The following CNOT10 variants were observed in gnomAD, a reference collection of about 807,000 sequenced individuals.
The protein encoded by CNOT10 is CCR4-NOT transcription complex subunit 10.
A neutral mutation model predicts 94.6 loss-of-function variants in CNOT10; 30 were observed. The ratio of observed to expected loss-of-function variants is 0.32; its 90% CI spans 0.24 to 0.43. The LOEUF (loss-of-function observed/expected upper bound fraction) is 0.43, where lower values mean the gene tolerates loss of function less well. Ranked by LOEUF, CNOT10 falls within the 20% of genes least tolerant of loss-of-function variation. CNOT10 has a pLI of 1.00. For missense variants in CNOT10, 759 were observed against 877.2 expected (o/e 0.87, Z 1.70); for synonymous variants, 289 against 301.6 (o/e 0.96, Z 0.43).
intron 8 of CNOT10, among the ~76,000 whole-genome samples, chr3:32,722,306 C>G (rs1698459002): frequency 6.6e-6 from 1 of 152,092 alleles, no homozygotes; most frequent in African/African-American, 2.4e-5. Flanking sequence ...GCACTTTTTC[C>G]TTATAATTCT....
In CNOT10 at chr3:32,773,587, T is replaced by C. The variant is rs747271948; in HGVS notation, c.2211T>C (p.Ala737=). 1.2e-6 allele frequency: 2 copies of C among 1,613,822 alleles called. No homozygotes were observed. The highest frequency in any genetic ancestry group is 1.7e-6 in the Non-Finnish European group (2 of 1,179,972). The part of the protein sequence containing the change: ...VHPIQPIQMP[A]FTTVQRK ...CGATCCAGCCCATCCAAATGCCGGC[T>C]TTCACCACTGTGCAGAGAAAGTGAT... The change falls in exon 19 of 19, where the codon GCT becomes GCC. Residue 737 remains alanine (A), a synonymous_variant. Transcript: ENST00000328834.
At chr3:32,717,439 TTTCTA>T (rs775129717) in intron 7 of CNOT10, among the ~76,000 whole-genome samples, 3 of 152,230 alleles carry the variant, frequency 2.0e-5, no homozygotes, top group Non-Finnish European at 4.4e-5. Flanking sequence ...AACAAGCACT[TTTCTA>T]TTTTATGTAA....
chr3:32,696,122 C>T (rs1048734221), intron 1 of CNOT10, among the ~76,000 whole-genome samples: 1 of 151,798 alleles, frequency 6.6e-6, no homozygotes, highest in South Asian at 2.1e-4. Context: ...TCAAGACCAA[C>T]CTGGCTGACA....
chr3:32,767,616 G>A (rs76502938), intron 17 of CNOT10, among the ~76,000 whole-genome samples: 3,313 of 151,410 alleles, frequency 0.022, 67 homozygotes, highest in Middle Eastern at 0.076. Flanking sequence ...TTTACCATGT[G>A]AAAAATAACT....
chr3:32,751,345 A>G lies in CNOT10; in HGVS notation c.1596-8113A>G, dbSNP rs568459157. Among the ~76,000 whole-genome samples, 20 of 152,232 alleles carry G rather than the reference A, an allele frequency of 1.3e-4. No individual in the cohort carries two copies. The South Asian group carries it at 1.7e-3, about 13-fold the overall frequency. ...GGTCTCAAACTGCTGAGCTCAAGCA[A>G]TTCTCCCACATCAGCCTCCCAATGT... On this transcript the variant is annotated intron_variant, in intron 13 of 18. Transcript: ENST00000328834.
chr3:32,760,826 G>GT (rs532572161), intron 14 of CNOT10, among the ~76,000 whole-genome samples: 171 of 145,634 alleles, frequency 1.2e-3, no homozygotes, highest in South Asian at 2.0e-3. Flanking sequence ...TAGTGTTTTT[G>GT]TTTTTTTTTT....
rs1339965740 is a variant in CNOT10 at position 32,755,257 on chromosome 3, G to A, written c.1596-4201G>A. Among the ~76,000 whole-genome samples the A allele has an allele frequency of 3.5e-4, 52 of 149,282 alleles. No homozygotes were observed. In the East Asian group the frequency reaches 9.9e-3, roughly 28 times the overall value. On this transcript the variant is annotated intron_variant, in intron 13 of 18. Transcript: ENST00000328834. Reference sequence around the variant, plus strand: ...GCGAAACTCCATATCAAAAAAAAAAGAAAGAAAAGAAATTACATTATTAGA... The same window carrying A: ...GCGAAACTCCATATCAAAAAAAAAAAAAAGAAAAGAAATTACATTATTAGA...
chr3:32,737,805 C>CAA (rs34248172), intron 13 of CNOT10, among the ~76,000 whole-genome samples: 29 of 142,350 alleles, frequency 2.0e-4, no homozygotes, highest in African/African-American at 5.4e-4. Context: ...AACTCTGTCT[C>CAA]AAAAAAAAAA....
chr3:32,767,245 G>A (rs1341541348), intron 17 of CNOT10, among the ~76,000 whole-genome samples: 1 of 152,102 alleles, frequency 6.6e-6, no homozygotes, highest in Non-Finnish European at 1.5e-5. Context: ...TCAGCCGGGC[G>A]CAGTGGCTCA....
At chr3:32,732,010 C>T (rs1165579188) in intron 10 of CNOT10, among the ~76,000 whole-genome samples, 1 of 151,904 alleles carries the variant, frequency 6.6e-6, no homozygotes, top group Non-Finnish European at 1.5e-5. Flanking sequence ...ACCTGGGAGG[C>T]GGAGGTTGCA....
intron 3 of CNOT10, among the ~76,000 whole-genome samples, chr3:32,707,481 T>C (rs544230261): frequency 6.6e-6 from 1 of 152,350 alleles, no homozygotes; most frequent in African/African-American, 2.4e-5. Context: ...CTGTGCTGGT[T>C]TCCTTATGTA....
At chr3:32,763,602 A>T (rs554633459) in intron 15 of CNOT10, among the ~76,000 whole-genome samples, 28 of 151,924 alleles carry the variant, frequency 1.8e-4, no homozygotes, top group African/African-American at 6.3e-4. Flanking sequence ...GTGAGCCAAG[A>T]TCACGCCACT....
At chr3:32,764,402 A>G in intron 15 of CNOT10, 53 bp from the exon 16 acceptor site, 1 of 1,578,246 alleles carries the variant, frequency 6.3e-7, no homozygotes, top group Admixed American at 1.9e-5. Context: ...GAGAAAAGAA[A>G]GAAAATATGC....
intron 12 of CNOT10, among the ~76,000 whole-genome samples, chr3:32,735,751 A>C (rs1030799291): frequency 6.6e-6 from 1 of 152,152 alleles, no homozygotes; most frequent in African/African-American, 2.4e-5. Context: ...TTGACTCCTA[A>C]AGCTGCTTAT....
intron 10 of CNOT10, among the ~76,000 whole-genome samples, chr3:32,728,626 AT>A (rs1231180845): frequency 3.9e-5 from 6 of 152,004 alleles, no homozygotes; most frequent in Non-Finnish European, 7.4e-5. Context: ...AAAAATAAAA[AT>A]AAAAATTTAA....
intron 13 of CNOT10, among the ~76,000 whole-genome samples, chr3:32,745,199 C>G (rs1196647426): frequency 6.6e-6 from 1 of 152,126 alleles, no homozygotes; most frequent in Non-Finnish European, 1.5e-5. Context: ...TACTTTAAGT[C>G]ATCTTTAGAG....
In CNOT10 at chr3:32,770,042, G is replaced by A. The variant is rs1700829844; in HGVS notation, c.2080+80G>A. 5 of 1,101,854 alleles carry A rather than the reference G, an allele frequency of 4.5e-6. No individual in the cohort carries two copies. In the Admixed American group the frequency reaches 5.2e-5, roughly 11 times the overall value. The allele number at this position is 1,101,854 out of a possible 1,614,324, so 68.3% of individuals were successfully genotyped here. On this transcript the variant is annotated intron_variant, in intron 18 of 18. Transcript: ENST00000328834. ...TGGTTGGGAGACAGGGTCTCACTGTGTTGCCCAGGCTGGAGTGCAGTGGTA... is the reference window on the plus strand; with the variant it reads ...TGGTTGGGAGACAGGGTCTCACTGTATTGCCCAGGCTGGAGTGCAGTGGTA...
chr3:32,760,405 G>A (rs976203729), intron 14 of CNOT10, among the ~76,000 whole-genome samples: 2 of 152,126 alleles, frequency 1.3e-5, no homozygotes, highest in Non-Finnish European at 2.9e-5. Flanking sequence ...GCTGAGGTAG[G>A]CAGATCATTT....
At chr3:32,712,485 A>T (rs183956287) in intron 4 of CNOT10, among the ~76,000 whole-genome samples, 1 of 152,264 alleles carries the variant, frequency 6.6e-6, no homozygotes, top group East Asian at 1.9e-4. Flanking sequence ...CTGGTTCAGT[A>T]TTCCTACCCT....
Sources: allele counts gnomAD v4.1 joint callset (sites outside exome capture counted in the v4.1 genomes callset), GRCh38; gene constraint gnomAD v4.1.1; transcripts MANE v1.5; gene names NCBI Gene and HGNC (gene_info 2026-07-23, HGNC 2026-07-21).